Variants in PHLPP1 observed in about 807,000 individuals in gnomAD.
The protein encoded by PHLPP1 is PH domain and leucine rich repeat protein phosphatase 1.
Under a neutral mutation model 117.2 loss-of-function variants are expected in PHLPP1, and 42 were observed. The ratio of observed to expected loss-of-function variants is 0.36; its 90% CI spans 0.28 to 0.46. PHLPP1 has a LOEUF of 0.46. Ranked by LOEUF, PHLPP1 falls within the 20% of genes least tolerant of loss-of-function variation. The probability of loss-of-function intolerance (pLI) is 1.00; values close to 1 mark genes in which losing one functional copy is unlikely to be tolerated. For synonymous variants in PHLPP1, 1,042 were observed against 970.7 expected (o/e 1.07, Z -1.37); for missense variants, 2,084 against 2,241.9 (o/e 0.93, Z 1.42).
intron 9 of PHLPP1, among the ~76,000 whole-genome samples, chr18:62,916,984 C>T (rs1367391987): frequency 6.7e-6 from 1 of 150,032 alleles, no homozygotes; most frequent in African/African-American, 2.4e-5. Context: ...GAACTCCTGA[C>T]CTCAGGTGAT....
At chr18:62,778,448 A>G (rs765381270) in intron 1 of PHLPP1, among the ~76,000 whole-genome samples, 3 of 152,318 alleles carry the variant, frequency 2.0e-5, no homozygotes, top group Non-Finnish European at 4.4e-5. Flanking sequence ...TTGAACCGGC[A>G]GTGAAGATGT....
intron 1 of PHLPP1, among the ~76,000 whole-genome samples, chr18:62,774,554 T>C (rs1479456130): frequency 6.6e-6 from 1 of 152,228 alleles, no homozygotes; most frequent in Non-Finnish European, 1.5e-5. Flanking sequence ...ATCATAATGA[T>C]TCCCATCCCT....
At chr18:62,848,149 T>A (rs1915226781) in intron 3 of PHLPP1, among the ~76,000 whole-genome samples, 1 of 152,140 alleles carries the variant, frequency 6.6e-6, no homozygotes, top group African/African-American at 2.4e-5. Flanking sequence ...CAGCACAGAG[T>A]ATGTGACCGT....
At chr18:62,882,601 C>T (rs922946093) in intron 4 of PHLPP1, among the ~76,000 whole-genome samples, 64 of 152,240 alleles carry the variant, frequency 4.2e-4, no homozygotes, top group African/African-American at 1.5e-3. Flanking sequence ...ATATTCAATA[C>T]ACATTTTTAA....
intron 4 of PHLPP1, among the ~76,000 whole-genome samples, chr18:62,873,450 C>G (rs1016519274): frequency 3.9e-5 from 6 of 152,122 alleles, no homozygotes; most frequent in Admixed American, 3.9e-4. Context: ...TATAAAATAA[C>G]TACTTCATAA....
chr18:62,784,021 C>T (rs1350615925), intron 1 of PHLPP1, among the ~76,000 whole-genome samples: 1 of 151,172 alleles, frequency 6.6e-6, no homozygotes, highest in Non-Finnish European at 1.5e-5. Context: ...ACTTGTAACT[C>T]CAGACCCAGG....
rs566874041 is a variant in PHLPP1, at chr18:62,860,414, TTAAG to T, written c.1900-19_1900-16del. Reference sequence around the variant, plus strand: ...ATAGGATAAGTGGATGGTATTAAAATTAAGTTTTATCCCCCTTTAGGTTGCATCC... The same window carrying T: ...ATAGGATAAGTGGATGGTATTAAAATTTTTATCCCCCTTTAGGTTGCATCC... On this transcript the variant is annotated splice_polypyrimidine_tract_variant and intron_variant, in intron 3 of 16. Transcript: ENST00000262719. 7 of 1,608,344 alleles carry T rather than the reference TTAAG, an allele frequency of 4.4e-6. No individual in the cohort carries two copies. Among genetic ancestry groups the T allele is most frequent in the Non-Finnish European group, 6.0e-6 (7 of 1,175,612 alleles).
rs1305407135 is a variant in PHLPP1, at chr18:62,978,518, G to A, written c.4241G>A (p.Ser1414Asn). ...GCCCAGAGCTACGGCTGCCACGACA[G>A]CATCAGCGCTGTGGTGGTGCAGCTC... is the stretch of plus-strand genomic sequence containing the variant. ...TLAQSYGCHD[S>N]ISAVVVQLSV... is the part of the protein sequence containing the mutation. Residue 1414 changes from serine to asparagine, a missense_variant, in exon 17 of 17, where the codon AGC becomes AAC. Ser to Asn is a conservative substitution (Grantham distance 46). Coordinates refer to ENST00000262719, the MANE Select transcript of PHLPP1 (RefSeq NM_194449.4). The surrounding 1 kb of genome is among the most constrained non-coding windows in gnomAD (Gnocchi z 7.0). The A allele has an allele frequency of 1.9e-6, 3 of 1,610,092 alleles. No homozygotes were observed. The highest frequency in any genetic ancestry group is 2.5e-6 in the Non-Finnish European group (3 of 1,178,126).
rs1343771042 is a variant in PHLPP1 at position 62,716,350 on chromosome 18, C to T, written c.667C>T (p.Leu223=). 15 of 1,501,734 alleles carry T rather than the reference C, an allele frequency of 1.0e-5. No individual in the cohort carries two copies. The highest frequency in any genetic ancestry group is 8.7e-5 in the South Asian group (7 of 80,780). 93.0% of individuals were successfully genotyped at this position (1,501,734 alleles called of 1,614,324 possible). The part of the protein sequence containing the change: ...STYLRPVLCT[L]DTTAGEVAAR... ...CTACCTGCGCCCGGTGCTCTGCACA[C>T]TGGACACCACGGCCGGCGAGGTGGC... Residue 223 remains leucine, a synonymous_variant, in exon 1 of 17, where the codon CTG becomes TTG. Coordinates refer to ENST00000262719, the MANE Select transcript of PHLPP1 (RefSeq NM_194449.4). This position sits in a 1 kb window ranked among gnomAD's most constrained non-coding sequence, Gnocchi z 5.7.
chr18:62,887,298 C>T (rs764947133), intron 4 of PHLPP1, among the ~76,000 whole-genome samples: 7 of 152,078 alleles, frequency 4.6e-5, no homozygotes, highest in Middle Eastern at 3.4e-3. Context: ...TATCTATGAG[C>T]TTGGAAAATT....
At chr18:62,743,245 T>C (rs550145244) in intron 1 of PHLPP1, among the ~76,000 whole-genome samples, 171 of 152,288 alleles carry the variant, frequency 1.1e-3, no homozygotes, top group African/African-American at 3.9e-3. Context: ...CATTTCCCTA[T>C]TTTTGAGTAG....
At chr18:62,822,996 A>G (rs1914511942) in intron 1 of PHLPP1, among the ~76,000 whole-genome samples, 1 of 152,190 alleles carries the variant, frequency 6.6e-6, no homozygotes, top group Non-Finnish European at 1.5e-5. Flanking sequence ...TCTCAGCCTT[A>G]TTTCTTGATT....
chr18:62,940,644 G>T (rs1172404961), intron 10 of PHLPP1, among the ~76,000 whole-genome samples: 1 of 152,066 alleles, frequency 6.6e-6, no homozygotes, highest in African/African-American at 2.4e-5. Context: ...GATTACAGGC[G>T]TGAGCCACCA....
intron 9 of PHLPP1, 122 bp downstream of exon 9, chr18:62,915,130 G>A (rs1294687664): frequency 8.9e-6 from 6 of 671,050 alleles, no homozygotes; most frequent in Admixed American, 5.4e-5. Context: ...CTAATATGGT[G>A]TCTTTTACCC....
Position 62,716,434 on chromosome 18 carries a change from G to A in PHLPP1, c.751G>A (p.Gly251Arg), listed in dbSNP as rs1316097728. ...GGGVVKVLGQGPGAAAAREPA... is the reference protein window; with the variant it reads ...GGGVVKVLGQRPGAAAAREPA... ...CGGCGTGGTGAAGGTGCTGGGCCAG[G>A]GGCCCGGAGCCGCCGCCGCCCGGGA... Residue 251 changes from glycine (G) to arginine (R), a missense_variant, in exon 1 of 17, where the codon GGG (glycine) becomes AGG (arginine). Gly to Arg is a moderately radical substitution (Grantham distance 125, BLOSUM62 -2). Around this residue, in one of 2 missense-constraint regions of PHLPP1, gnomAD observed 719 missense variants for 636.0 expected, o/e 1.13. Coordinates refer to ENST00000262719, the MANE Select transcript of PHLPP1 (RefSeq NM_194449.4). This position sits in a 1 kb window ranked among gnomAD's most constrained non-coding sequence, Gnocchi z 5.7. 2 of 1,366,222 alleles carry A rather than the reference G, an allele frequency of 1.5e-6. No individual in the cohort carries two copies. The highest frequency in any genetic ancestry group is 1.5e-5 in the African/African-American group (1 of 66,022). The allele number at this position is 1,366,222 out of a possible 1,614,324, so 84.6% of individuals were successfully genotyped here.
chr18:62,863,893 G>A (rs1383634477), intron 4 of PHLPP1, among the ~76,000 whole-genome samples: 1 of 152,162 alleles, frequency 6.6e-6, no homozygotes, highest in Non-Finnish European at 1.5e-5. Flanking sequence ...ATGCAGCCCA[G>A]TAGGGGTAAA....
At chr18:62,819,699 G>A (rs1347418332) in intron 1 of PHLPP1, among the ~76,000 whole-genome samples, 1 of 152,180 alleles carries the variant, frequency 6.6e-6, no homozygotes, top group African/African-American at 2.4e-5. Flanking sequence ...AGGCTGGAGT[G>A]CAATGGTGCA....
chr18:62,751,078 G>A (rs1038120725), intron 1 of PHLPP1, among the ~76,000 whole-genome samples: 2 of 152,088 alleles, frequency 1.3e-5, no homozygotes, highest in African/African-American at 4.8e-5. Context: ...TGATTTTTTC[G>A]GTACTGCAGC....
intron 4 of PHLPP1, among the ~76,000 whole-genome samples, chr18:62,879,579 T>C (rs1916126881): frequency 6.6e-6 from 1 of 152,046 alleles, no homozygotes; most frequent in South Asian, 2.1e-4. Context: ...GCTGGGCTAA[T>C]TGTTTGTATT....
Sources: gnomAD v4.1 joint callset for allele counts (sites outside exome capture counted in the v4.1 genomes callset) on GRCh38, gnomAD v4.1.1 for gene constraint, gnomAD v4.1.1 regional missense constraint, Gnocchi (gnomAD v3.1) non-coding constraint, MANE v1.5 for transcripts, NCBI Gene and HGNC (gene_info 2026-07-23, HGNC 2026-07-21) for gene names.